CEP350: variants seen among roughly 807,000 people sequenced by gnomAD.
CEP350 encodes the protein centrosomal protein 350.
A neutral mutation model predicts 331.8 loss-of-function variants in CEP350; 126 were observed. That is an observed-to-expected ratio of 0.38 (90% confidence interval 0.33 to 0.44). The LOEUF is 0.44. Ranked by LOEUF, CEP350 falls within the 20% of genes least tolerant of loss-of-function variation. The probability of loss-of-function intolerance (pLI) is 1.00; values close to 1 mark genes in which losing one functional copy is unlikely to be tolerated. For missense variants in CEP350, 3,406 were observed against 3,634.6 expected (o/e 0.94, Z 1.62); for synonymous variants, 1,200 against 1,259.5 (o/e 0.95, Z 1.00).
At position 180,015,887 on chromosome 1, in the gene CEP350, A is replaced by G; in HGVS notation, c.2091A>G (p.Lys697=). Residue 697 remains lysine, a synonymous_variant, in exon 11 of 38, where the codon AAA becomes AAG. Coordinates refer to ENST00000367607, the MANE Select transcript of CEP350 (RefSeq NM_014810.5). ...ATCAGCCATCTGGAGAATCTGACAA[A>G]GAAAACAAAGTACAGGAACGTCCCC... The part of the protein sequence containing the change: ...PGYQPSGESD[K]ENKVQERPPS... 3 of 1,613,988 alleles carry G rather than the reference A, an allele frequency of 1.9e-6. No individual in the cohort carries two copies. The highest frequency in any genetic ancestry group is 2.5e-6 in the Non-Finnish European group (3 of 1,179,876).
chr1:179,957,814 C>T (rs16855019), intron 1 of CEP350, among the ~76,000 whole-genome samples: 21,420 of 152,134 alleles, frequency 0.14, 1,601 homozygotes, highest in African/African-American at 0.17. Context: ...GCTCTGGCAA[C>T]AGGTTACGGT....
chr1:180,093,464 C>G lies in CEP350; in HGVS notation c.7359C>G (p.Asp2453Glu). 6.2e-7 allele frequency: 1 copy of G among 1,607,968 alleles called. No homozygotes were observed. The highest frequency in any genetic ancestry group is 8.5e-7 in the Non-Finnish European group (1 of 1,176,746). Residue 2453 changes from aspartate (D) to glutamate (E), a missense_variant, in exon 34 of 38, where the codon GAC becomes GAG. Around this residue, in one of 5 missense-constraint regions of CEP350, gnomAD observed 1,415 missense variants for 1,512.3 expected, o/e 0.94. Transcript: ENST00000367607. The stretch of plus-strand genomic sequence containing the variant: ...CTATCCATAGCAATGTTCATTCTGA[C>G]AGGCTGTTGGAACTCAAGTCCCCTA... ...SLSIHSNVHS[D>E]RLLELKSPTE...
chr1:180,072,507 G>T (rs1263647994), intron 27 of CEP350, among the ~76,000 whole-genome samples: 1 of 152,056 alleles, frequency 6.6e-6, no homozygotes. Context: ...TTGATAATTG[G>T]CATCAAAATA....
At chr1:179,986,297 G>C (rs1272081959) in intron 2 of CEP350, 43 bp downstream of exon 2, 1 of 1,370,764 alleles carries the variant, frequency 7.3e-7, no homozygotes, top group Admixed American at 2.1e-5. Flanking sequence ...ACCTCATTTA[G>C]GTCATGTGTA....
intron 30 of CEP350, among the ~76,000 whole-genome samples, chr1:180,083,196 ACATTAGT>A (rs1372210968): frequency 6.6e-6 from 1 of 152,208 alleles, no homozygotes; most frequent in Non-Finnish European, 1.5e-5. Context: ...GTCTCACTCA[ACATTAGT>A]ATATGGAAAT....
intron 18 of CEP350, 64 bp downstream of exon 18, chr1:180,041,312 A>G (rs1656745639): frequency 1.7e-6 from 2 of 1,207,132 alleles, no homozygotes; most frequent in Non-Finnish European, 2.3e-6. Flanking sequence ...AAATTACTTT[A>G]GCGTTCTTTT....
At chr1:180,021,654 C>CAA (rs1002555510) in intron 12 of CEP350, among the ~76,000 whole-genome samples, 5 of 128,610 alleles carry the variant, frequency 3.9e-5, no homozygotes, top group Non-Finnish European at 8.4e-5. Context: ...CGAGACTCCT[C>CAA]AAAAAAAAAA....
intron 27 of CEP350, among the ~76,000 whole-genome samples, chr1:180,071,239 C>T (rs1431740607): frequency 6.6e-6 from 1 of 151,180 alleles, no homozygotes; most frequent in Non-Finnish European, 1.5e-5. Context: ...GGGTGGATCA[C>T]CTGAGGTCAG....
At chr1:180,031,781 A>C (rs1656039964) in intron 15 of CEP350, among the ~76,000 whole-genome samples, 1 of 151,960 alleles carries the variant, frequency 6.6e-6, no homozygotes, top group African/African-American at 2.4e-5. Flanking sequence ...CCGTTGTTAC[A>C]ATTGTTTTCT....
rs896405204 is a variant in CEP350, at chr1:180,095,468, A to G, written c.8512-55A>G. 3 of 1,530,708 alleles carry G rather than the reference A, an allele frequency of 2.0e-6. No homozygotes were observed. The African/African-American group carries it at 4.2e-5, about 21-fold the overall frequency. The allele number at this position is 1,530,708 out of a possible 1,614,324, so 94.8% of individuals were successfully genotyped here. On this transcript the variant is annotated intron_variant, in intron 34 of 37. Transcript: ENST00000367607. ...CATTTACTCTGTCTTTTTTTAAAAA[A>G]AAATGATATGAGGTCCCTAAATGGT... is the stretch of plus-strand genomic sequence containing the variant.
Position 180,013,933 on chromosome 1 carries a change from A to G in CEP350, c.1480A>G (p.Lys494Glu). Residue 494 changes from lysine (K) to glutamate (E), a missense_variant, in exon 10 of 38, where the codon AAA becomes GAA. Transcript: ENST00000367607. ...AAGAAACTCAGAACGTTCGAGAAGTAAATCTCGGTCTGAAAATAATATAAA... is the reference window on the plus strand; with the variant it reads ...AAGAAACTCAGAACGTTCGAGAAGTGAATCTCGGTCTGAAAATAATATAAA... ...LQRNSERSRSKSRSENNIKKL... is the reference protein window; with the variant it reads ...LQRNSERSRSESRSENNIKKL... The G allele has an allele frequency of 6.2e-7, 1 of 1,613,854 alleles. No homozygotes were observed. The highest frequency in any genetic ancestry group is 8.5e-7 in the Non-Finnish European group (1 of 1,179,754).
intron 5 of CEP350, among the ~76,000 whole-genome samples, chr1:179,993,281 T>C (rs771050528): frequency 2.6e-5 from 4 of 152,128 alleles, no homozygotes; most frequent in Non-Finnish European, 5.9e-5. Flanking sequence ...AATCGAAGTT[T>C]AGAATCTCTA....
chr1:180,097,953 G>A (rs1660572122), intron 36 of CEP350, among the ~76,000 whole-genome samples: 2 of 152,006 alleles, frequency 1.3e-5, no homozygotes, highest in South Asian at 4.1e-4. Context: ...GTTAGCTAAT[G>A]GTAGTTTTGT....
intron 16 of CEP350, 142 bp downstream of exon 16, chr1:180,034,224 C>T: frequency 8.9e-7 from 1 of 1,121,488 alleles, no homozygotes; most frequent in South Asian, 1.7e-5. Flanking sequence ...TTAAAAACTG[C>T]AAGAAATTAA....
At position 180,114,176 on chromosome 1, in the gene CEP350, T is replaced by C. The variant is rs2149215895; in HGVS notation, c.*3015T>C. Reference sequence around the variant, plus strand: ...TGTGGCCTATTGATAAAAACAATTTTGTTCAGTTTCTTGTCTTGAAAAAAA... The same window carrying C: ...TGTGGCCTATTGATAAAAACAATTTCGTTCAGTTTCTTGTCTTGAAAAAAA... On this transcript the variant is annotated 3_prime_UTR_variant, in exon 38 of 38. Coordinates refer to ENST00000367607, the MANE Select transcript of CEP350 (RefSeq NM_014810.5). The C allele has an allele frequency of 6.5e-6, 1 of 152,740 alleles. No homozygotes were observed. Among genetic ancestry groups the C allele is most frequent in the Admixed American group, 6.5e-5 (1 of 15,288 alleles). 9.5% of individuals were successfully genotyped at this position (152,740 alleles called of 1,614,324 possible). A position where few individuals can be genotyped will look rare whatever the true frequency, so the allele number is the denominator to read the frequency against.
chr1:180,012,224 C>A, intron 9 of CEP350, 149 bp downstream of exon 9: 2 of 671,250 alleles, frequency 3.0e-6, no homozygotes, highest in Non-Finnish European at 5.0e-6. Context: ...TTCTATTGGG[C>A]TTGGTTATGG....
At chr1:180,024,319 T>G in intron 13 of CEP350, 100 bp from the exon 14 acceptor site, 1 of 1,049,898 alleles carries the variant, frequency 9.5e-7, no homozygotes, top group Non-Finnish European at 1.3e-6. Context: ...TTGATTGTAG[T>G]TATAGTCTCC....
chr1:180,108,227 A>AT (rs1004624053), intron 37 of CEP350, among the ~76,000 whole-genome samples: 6 of 152,226 alleles, frequency 3.9e-5, no homozygotes, highest in Non-Finnish European at 8.8e-5. Flanking sequence ...GAGAGAGAGA[A>AT]TAAAAAATGT....
At chr1:180,090,419 G>A (rs1167937929) in intron 32 of CEP350, among the ~76,000 whole-genome samples, 6 of 151,022 alleles carry the variant, frequency 4.0e-5, no homozygotes, top group African/African-American at 1.2e-4. Context: ...GGTGGCGGGC[G>A]CCTGTAGTCC....
Sources: gnomAD v4.1 joint callset for allele counts (sites outside exome capture counted in the v4.1 genomes callset) on GRCh38, gnomAD v4.1.1 for gene constraint, gnomAD v4.1.1 regional missense constraint, MANE v1.5 for transcripts, NCBI Gene and HGNC (gene_info 2026-07-23, HGNC 2026-07-21) for gene names.